Variants in KCNH1 observed in about 807,000 individuals in gnomAD.
The protein encoded by KCNH1 is voltage-gated delayed rectifier potassium channel KCNH1.
Under a neutral mutation model 69.2 loss-of-function variants are expected in KCNH1, and 27 were observed. The observed-to-expected ratio is 0.39, with a 90% CI of 0.29 to 0.54. The LOEUF is 0.54. KCNH1 is among the 20% of genes least tolerant of loss of function. The probability of loss-of-function intolerance (pLI) is 0.68; values close to 1 mark genes in which losing one functional copy is unlikely to be tolerated. For synonymous variants in KCNH1, 456 were observed against 487.7 expected (o/e 0.93, Z 0.86); for missense variants, 798 against 1,261.6 (o/e 0.63, Z 5.57).
Position 211,064,931 on chromosome 1 carries a change from A to G in KCNH1, c.558+17849T>C, listed in dbSNP as rs537235301. Among the ~76,000 whole-genome samples, 25 of 152,354 alleles carry G rather than the reference A, an allele frequency of 1.6e-4. No individual in the cohort carries two copies. The South Asian group carries it at 5.2e-3, about 32-fold the overall frequency. ...CAGAGAAATGCAAATTTAAATCACG[A>G]TGAGATACCACCTCACATCTGTTAA... On this transcript the variant is annotated intron_variant, in intron 5 of 10. Coordinates refer to ENST00000271751, the MANE Select transcript of KCNH1 (RefSeq NM_172362.3).
intron 10 of KCNH1, among the ~76,000 whole-genome samples, chr1:210,691,309 C>T (rs1479944283): frequency 6.6e-6 from 1 of 152,182 alleles, no homozygotes; most frequent in Non-Finnish European, 1.5e-5. Flanking sequence ...TGGGGCAGTC[C>T]TGGTGAGAGG....
intron 6 of KCNH1, among the ~76,000 whole-genome samples, chr1:210,943,969 T>C (rs1446518208): frequency 6.6e-6 from 1 of 152,150 alleles, no homozygotes; most frequent in Non-Finnish European, 1.5e-5. Flanking sequence ...TTGGCTTCAG[T>C]TCTTTAAGTA....
rs577805036 is a variant in KCNH1, at chr1:211,091,065, C to A, written c.311-375G>T. Among the ~76,000 whole-genome samples, 45 of 152,320 alleles carry A rather than the reference C, an allele frequency of 3.0e-4. No individual in the cohort carries two copies. In the South Asian group the frequency reaches 8.9e-3, roughly 30 times the overall value. ...AGAGTAGGGGACAAGATAGGTCCTG[C>A]CAACCATGGCCAGCAGTCCATGCCA... On this transcript the variant is annotated intron_variant, in intron 3 of 10. Coordinates refer to ENST00000271751, the MANE Select transcript of KCNH1 (RefSeq NM_172362.3).
In KCNH1 at chr1:210,683,913, G is replaced by A; in HGVS notation, c.2338C>T (p.His780Tyr). Residue 780 changes from histidine to tyrosine, a missense_variant, in exon 11 of 11, where the codon CAC (histidine) becomes TAC (tyrosine). Transcript: ENST00000271751. This position sits in a 1 kb window ranked among gnomAD's most constrained non-coding sequence, Gnocchi z 5.7. ...ACCACGCTGGCCTTCACGAGGCTGT[G>A]GTTGGCGGAGGCATGCTCTGTAAGG... ...NVLTEHASAN[H>Y]SLVKASVVTV... 1 of 1,613,050 alleles carries A rather than the reference G, an allele frequency of 6.2e-7. No individual in the cohort carries two copies. The highest frequency in any genetic ancestry group is 8.5e-7 in the Non-Finnish European group (1 of 1,179,114).
intron 7 of KCNH1, among the ~76,000 whole-genome samples, chr1:210,863,567 G>T (rs1686028584): frequency 6.6e-6 from 1 of 152,212 alleles, no homozygotes; most frequent in South Asian, 2.1e-4. Flanking sequence ...GCCATTTCCA[G>T]TTAAGTTACA....
At chr1:210,903,622 C>T (rs2102539053) in intron 7 of KCNH1, among the ~76,000 whole-genome samples, 1 of 152,114 alleles carries the variant, frequency 6.6e-6, no homozygotes, top group African/African-American at 2.4e-5. Context: ...TCATAATAAA[C>T]AGAAAAAATG....
At chr1:211,064,285 G>A (rs1690487898) in intron 5 of KCNH1, among the ~76,000 whole-genome samples, 1 of 152,222 alleles carries the variant, frequency 6.6e-6, no homozygotes, top group Non-Finnish European at 1.5e-5. Context: ...AATTGGCCGG[G>A]CACGGTGGCT....
intron 10 of KCNH1, among the ~76,000 whole-genome samples, chr1:210,753,799 C>T (rs76597903): frequency 1.3e-5 from 2 of 152,162 alleles, no homozygotes; most frequent in Non-Finnish European, 2.9e-5. Context: ...AAGCCAGGGG[C>T]CCGAGTGGGG....
chr1:210,874,125 GA>G (rs1033834524), intron 7 of KCNH1, among the ~76,000 whole-genome samples: 125 of 151,236 alleles, frequency 8.3e-4, no homozygotes, highest in African/African-American at 2.7e-3. Flanking sequence ...AGGAGTCAAA[GA>G]AAAAAAAAGT....
At chr1:210,795,845 G>T (rs781671078) in intron 9 of KCNH1, among the ~76,000 whole-genome samples, 5 of 152,088 alleles carry the variant, frequency 3.3e-5, no homozygotes, top group Non-Finnish European at 7.3e-5. Context: ...ATCAGAGGCT[G>T]GGTGTGGTGG....
chr1:210,717,571 A>C (rs569041749), intron 10 of KCNH1, among the ~76,000 whole-genome samples: 30 of 152,312 alleles, frequency 2.0e-4, no homozygotes, highest in South Asian at 1.2e-3. Context: ...CACTCCTTGC[A>C]CAGTTCATCA....
intron 7 of KCNH1, among the ~76,000 whole-genome samples, chr1:210,892,212 A>G (rs1226882372): frequency 1.3e-5 from 2 of 151,594 alleles, no homozygotes; most frequent in East Asian, 3.9e-4. Flanking sequence ...TAAAGTATAT[A>G]TATATGAAAA....
chr1:210,685,247 G>A (rs372120483), intron 10 of KCNH1, among the ~76,000 whole-genome samples: 12 of 152,300 alleles, frequency 7.9e-5, no homozygotes, highest in South Asian at 6.2e-4. Flanking sequence ...GTTTGAATTC[G>A]TGAGAGGCAA....
At chr1:210,985,813 G>A (rs1688820681) in intron 6 of KCNH1, among the ~76,000 whole-genome samples, 1 of 152,166 alleles carries the variant, frequency 6.6e-6, no homozygotes, top group Non-Finnish European at 1.5e-5. Context: ...TTGGTCCAGA[G>A]CTGAGTTCAA....
intron 6 of KCNH1, among the ~76,000 whole-genome samples, chr1:210,969,200 T>C (rs191535065): frequency 5.6e-4 from 86 of 152,244 alleles, no homozygotes; most frequent in Admixed American, 4.2e-3. Flanking sequence ...TCATCCATCC[T>C]CATGAGTGAG....
At chr1:211,006,628 G>C (rs1192430292) in intron 6 of KCNH1, among the ~76,000 whole-genome samples, 1 of 152,088 alleles carries the variant, frequency 6.6e-6, no homozygotes, top group Non-Finnish European at 1.5e-5. Flanking sequence ...CTACATAGAT[G>C]CTTGCTTTGT....
intron 6 of KCNH1, among the ~76,000 whole-genome samples, chr1:210,959,737 T>C (rs1425084738): frequency 6.6e-6 from 1 of 152,226 alleles, no homozygotes; most frequent in African/African-American, 2.4e-5. Flanking sequence ...AATCTCCTGG[T>C]CTGCCAGTTG....
At chr1:210,980,264 T>C (rs1688685002) in intron 6 of KCNH1, among the ~76,000 whole-genome samples, 1 of 152,186 alleles carries the variant, frequency 6.6e-6, no homozygotes, top group Non-Finnish European at 1.5e-5. Flanking sequence ...TAAGACATGA[T>C]GATGCAGCCA....
intron 6 of KCNH1, among the ~76,000 whole-genome samples, chr1:210,985,612 C>A (rs575866942): frequency 4.5e-4 from 69 of 152,228 alleles, no homozygotes; most frequent in African/African-American, 1.6e-3. Flanking sequence ...TTTCTTAATC[C>A]TGAGTTCTAG....
Sources: allele counts gnomAD v4.1 joint callset (sites outside exome capture counted in the v4.1 genomes callset), GRCh38; gene constraint gnomAD v4.1.1; non-coding constraint Gnocchi (gnomAD v3.1); transcripts MANE v1.5; gene names NCBI Gene and HGNC (gene_info 2026-07-23, HGNC 2026-07-21).